Variants in CSMD1 observed in about 807,000 individuals in gnomAD.
CSMD1 encodes the protein CUB and sushi domain-containing protein 1.
CSMD1 carries 213 observed loss-of-function variants against 417.5 expected under a neutral mutation model. The observed-to-expected ratio is 0.51, with a 90% CI of 0.46 to 0.57. The LOEUF (loss-of-function observed/expected upper bound fraction) is 0.57, where lower values mean the gene tolerates loss of function less well. Ranked by LOEUF, CSMD1 falls within the 20% of genes least tolerant of loss-of-function variation. The pLI, the probability that CSMD1 is intolerant of heterozygous loss-of-function variation, is 0.00. For synonymous variants in CSMD1, 2,862 were observed against 1,736.8 expected (o/e 1.65, Z -16.11); for missense variants, 6,923 against 4,529.7 (o/e 1.53, Z -15.17).
At chr8:4,577,484 C>G (rs996926551) in intron 2 of CSMD1, among the ~76,000 whole-genome samples, 3 of 152,186 alleles carry the variant, frequency 2.0e-5, no homozygotes, top group South Asian at 2.1e-4. Context: ...TTCCTCTTCC[C>G]TATGCCACCA....
chr8:4,047,488 G>A (rs184685873), intron 3 of CSMD1, among the ~76,000 whole-genome samples: 11 of 152,064 alleles, frequency 7.2e-5, no homozygotes, highest in East Asian at 3.9e-4. Context: ...TAGTGGTAGC[G>A]TAAATGCAGG....
chr8:3,398,136 C>T (rs1811813301), intron 16 of CSMD1, among the ~76,000 whole-genome samples: 1 of 152,028 alleles, frequency 6.6e-6, no homozygotes. Flanking sequence ...ATAGACTGGC[C>T]AGAGAAGAAT....
At chr8:3,243,331 C>T (rs1164754538) in intron 26 of CSMD1, among the ~76,000 whole-genome samples, 4 of 152,148 alleles carry the variant, frequency 2.6e-5, no homozygotes. Context: ...TCACTCGCGT[C>T]CATGTGAAGA....
At chr8:4,201,161 G>A (rs753601228) in intron 3 of CSMD1, among the ~76,000 whole-genome samples, 4 of 152,176 alleles carry the variant, frequency 2.6e-5, no homozygotes, top group Non-Finnish European at 5.9e-5. Flanking sequence ...AATGACTACT[G>A]TAAGGATTAA....
chr8:4,921,338 T>A (rs1284551887), intron 1 of CSMD1, among the ~76,000 whole-genome samples: 4 of 152,206 alleles, frequency 2.6e-5, no homozygotes, highest in African/African-American at 9.7e-5. Context: ...AATTCCATTA[T>A]AAATTATGTT....
chr8:4,654,184 C>G (rs1439957410), intron 1 of CSMD1, among the ~76,000 whole-genome samples: 1 of 152,088 alleles, frequency 6.6e-6, no homozygotes, highest in Non-Finnish European at 1.5e-5. Context: ...CTTTGACCTA[C>G]TCTTCTGGAG....
In CSMD1 at chr8:3,352,567, C is replaced by T. The variant is rs560391671; in HGVS notation, c.3305-4406G>A. On this transcript the variant is annotated intron_variant, in intron 21 of 69. Coordinates refer to ENST00000635120, the MANE Select transcript of CSMD1 (RefSeq NM_033225.6). ...TTACTATTACATCATTGGCTGGGCGCGGTGGCTCACATCTGTAATCCTAGC... is the reference window on the plus strand; with the variant it reads ...TTACTATTACATCATTGGCTGGGCGTGGTGGCTCACATCTGTAATCCTAGC... 1.9e-4 allele frequency among the ~76,000 whole-genome samples: 29 copies of T among 152,292 alleles called. No individual in the cohort carries two copies. In the South Asian group the frequency reaches 3.1e-3, roughly 16 times the overall value.
At chr8:3,269,573 C>A (rs13264547) in intron 26 of CSMD1, among the ~76,000 whole-genome samples, 6 of 151,852 alleles carry the variant, frequency 4.0e-5, no homozygotes, top group African/African-American at 1.5e-4. Context: ...CCACTATTTA[C>A]GGAGAAATCA....
intron 10 of CSMD1, among the ~76,000 whole-genome samples, chr8:3,560,104 G>T (rs920374197): frequency 1.2e-4 from 19 of 152,086 alleles, no homozygotes; most frequent in Admixed American, 5.2e-4. Flanking sequence ...GAGATTCCAG[G>T]ACCCATTCGA....
intron 10 of CSMD1, among the ~76,000 whole-genome samples, chr8:3,548,731 T>C (rs1798784161): frequency 6.7e-6 from 1 of 150,160 alleles, no homozygotes; most frequent in African/African-American, 2.5e-5. Flanking sequence ...CATTGATTGA[T>C]AGGAATTTGG....
At chr8:3,437,420 C>A (rs1814636352) in intron 12 of CSMD1, among the ~76,000 whole-genome samples, 2 of 152,138 alleles carry the variant, frequency 1.3e-5, no homozygotes, top group African/African-American at 4.8e-5. Flanking sequence ...ATCCTAAAGG[C>A]TGAATTAAAT....
chr8:4,959,438 G>C (rs1317240474), intron 1 of CSMD1, among the ~76,000 whole-genome samples: 1 of 152,200 alleles, frequency 6.6e-6, no homozygotes, highest in Non-Finnish European at 1.5e-5. Context: ...GCAACTAGTT[G>C]GGTAGCCTAA....
chr8:4,421,783 A>T (rs987435777), intron 2 of CSMD1, among the ~76,000 whole-genome samples: 1 of 151,948 alleles, frequency 6.6e-6, no homozygotes, highest in Non-Finnish European at 1.5e-5. Flanking sequence ...AAAAGAAAAA[A>T]ACAAAAAAAA....
chr8:3,925,231 A>G (rs1273980656), intron 5 of CSMD1, among the ~76,000 whole-genome samples: 8 of 152,234 alleles, frequency 5.3e-5, no homozygotes, highest in Non-Finnish European at 8.8e-5. Flanking sequence ...ATTTTGCTTT[A>G]CAGCGACCTA....
intron 6 of CSMD1, among the ~76,000 whole-genome samples, chr8:3,713,371 A>G (rs372345558): frequency 2.1e-3 from 319 of 152,290 alleles, no homozygotes; most frequent in African/African-American, 7.5e-3. Context: ...AAATGGCAAT[A>G]ATGTAAGAAG....
chr8:4,668,696 C>T (rs572105006), intron 1 of CSMD1, among the ~76,000 whole-genome samples: 53 of 151,972 alleles, frequency 3.5e-4, no homozygotes, highest in Admixed American at 2.2e-3. Context: ...GTGATCTCCC[C>T]GCGTCAGCCT....
At chr8:4,322,632 G>C (rs1799334931) in intron 3 of CSMD1, among the ~76,000 whole-genome samples, 1 of 152,114 alleles carries the variant, frequency 6.6e-6, no homozygotes, top group African/African-American at 2.4e-5. Context: ...GGACATATTT[G>C]AGAAAAATCT....
chr8:3,916,714 T>C (rs1035899447), intron 5 of CSMD1, among the ~76,000 whole-genome samples: 1 of 152,010 alleles, frequency 6.6e-6, no homozygotes, highest in East Asian at 1.9e-4. Flanking sequence ...ATCACAAGGA[T>C]AGAAAAAGTA....
chr8:3,763,659 T>C (rs1531741), intron 5 of CSMD1, among the ~76,000 whole-genome samples: 105,953 of 152,100 alleles, frequency 0.7, 37,540 homozygotes, highest in East Asian at 0.86. Flanking sequence ...TATATAGCAC[T>C]GCAAAACACA....
Sources: gnomAD v4.1 joint callset for allele counts (sites outside exome capture counted in the v4.1 genomes callset) on GRCh38, gnomAD v4.1.1 for gene constraint, MANE v1.5 for transcripts, NCBI Gene and HGNC (gene_info 2026-07-23, HGNC 2026-07-21) for gene names.